GNG7: variants seen among roughly 807,000 people sequenced by gnomAD.
GNG7 encodes guanine nucleotide-binding protein G(I)/G(S)/G(O) subunit gamma-7.
In GNG7, 1 loss-of-function variant was observed where a neutral mutation model predicts 4.0. The observed-to-expected ratio is 0.25, with a 90% confidence interval of 0.09 to 1.18. GNG7 has a LOEUF of 1.18. GNG7 is among the 50% of genes most tolerant of loss of function. GNG7 has a pLI of 0.50. For missense variants in GNG7, 86 were observed against 91.9 expected, an observed-to-expected ratio of 0.94 and a Z score of 0.26; for synonymous variants, 34 against 36.9, an observed-to-expected ratio of 0.92 and a Z score of 0.29.
chr19:2,653,675 A>C lies in GNG7; in HGVS notation c.-134-7395T>G, dbSNP rs1982888400. 6.6e-6 allele frequency among the ~76,000 whole-genome samples: 1 copy of C among 152,036 alleles called. No homozygotes were observed. Among genetic ancestry groups the C allele is most frequent in the African/African-American group, 2.4e-5 (1 of 41,382 alleles). ...TGAGCAGCGTCCCTGGCCTCCACCC[A>C]CCCCATGCCAGGGGCATCCCCCATC... is the stretch of plus-strand genomic sequence containing the variant. On this transcript the variant is annotated intron_variant, in intron 1 of 4. Transcript: ENST00000382159. This position sits in a 1 kb window ranked among gnomAD's most constrained non-coding sequence, Gnocchi z 4.8.
intron 1 of GNG7, among the ~76,000 whole-genome samples, chr19:2,681,286 C>T (rs1406289354): frequency 2.0e-5 from 3 of 151,810 alleles, no homozygotes; most frequent in African/African-American, 7.3e-5. Context: ...CAGGTTCAAG[C>T]GATTCTCCTG....
intron 1 of GNG7, among the ~76,000 whole-genome samples, chr19:2,662,124 G>C (rs931948749): frequency 1.3e-5 from 2 of 151,914 alleles, no homozygotes; most frequent in African/African-American, 2.4e-5. Flanking sequence ...GCCAGGCGTG[G>C]TTGTGGGCAC....
chr19:2,541,067 A>G (rs374742370), intron 3 of GNG7, among the ~76,000 whole-genome samples: 7 of 152,340 alleles, frequency 4.6e-5, no homozygotes, highest in East Asian at 3.9e-4. Context: ...AGAGACAGGG[A>G]CTTTACCGAG....
At chr19:2,553,775 GTTATA>G (rs1979442276) in intron 3 of GNG7, among the ~76,000 whole-genome samples, 1 of 146,502 alleles carries the variant, frequency 6.8e-6, no homozygotes, top group Non-Finnish European at 1.5e-5. Flanking sequence ...TGCATGTAAT[GTTATA>G]TCACACACAT....
chr19:2,547,078 C>G (rs1316108108), intron 3 of GNG7, among the ~76,000 whole-genome samples: 1 of 147,878 alleles, frequency 6.8e-6, no homozygotes, highest in Non-Finnish European at 1.5e-5. Flanking sequence ...ACGCATGCCC[C>G]CCCCCCAGAA....
At chr19:2,590,455 A>G (rs1041785356) in intron 2 of GNG7, among the ~76,000 whole-genome samples, 1 of 151,494 alleles carries the variant, frequency 6.6e-6, no homozygotes, top group Non-Finnish European at 1.5e-5. Flanking sequence ...CCATCCATTC[A>G]CTCATCTATC....
At chr19:2,601,651 G>C (rs1042181543) in intron 2 of GNG7, among the ~76,000 whole-genome samples, 1 of 152,068 alleles carries the variant, frequency 6.6e-6, no homozygotes, top group Non-Finnish European at 1.5e-5. Flanking sequence ...GGTGGCTCAC[G>C]TCTGTAATCC....
intron 4 of GNG7, among the ~76,000 whole-genome samples, chr19:2,516,007 G>A (rs1972730333): frequency 6.6e-6 from 1 of 151,806 alleles, no homozygotes; most frequent in Non-Finnish European, 1.5e-5. Context: ...TTGAGCCCAG[G>A]AGTTTGAGAC....
chr19:2,700,078 C>CATA (rs752373419), intron 1 of GNG7, among the ~76,000 whole-genome samples: 10 of 150,968 alleles, frequency 6.6e-5, no homozygotes, highest in South Asian at 2.1e-4. Context: ...TCTGTCTCAA[C>CATA]ATAATAATAA....
chr19:2,669,366 T>C (rs2144887007), intron 1 of GNG7, among the ~76,000 whole-genome samples: 1 of 152,252 alleles, frequency 6.6e-6, no homozygotes, highest in African/African-American at 2.4e-5. Context: ...GGTGCATGCC[T>C]GTAATCCCAG....
chr19:2,562,938 TTCTTTTTC>T (rs1387558815), intron 2 of GNG7, among the ~76,000 whole-genome samples: 1 of 73,114 alleles, frequency 1.4e-5, no homozygotes, highest in African/African-American at 4.8e-5. Flanking sequence ...TTCAATCTTT[TTCTTTTTC>T]TTTTTTTTTG....
chr19:2,622,424 G>T lies in GNG7; in HGVS notation c.-78+23800C>A, dbSNP rs545561632. ...CAAAGGGTGCGGGATAAGCCCTGCA[G>T]AAGTCAATGGTCAGTAATGAGGGCT... is the stretch of plus-strand genomic sequence containing the variant. On this transcript the variant is annotated intron_variant, in intron 2 of 4. Transcript: ENST00000382159. 9.2e-5 allele frequency among the ~76,000 whole-genome samples: 14 copies of T among 152,346 alleles called. No homozygotes were observed. The South Asian group carries it at 2.7e-3, about 29-fold the overall frequency.
chr19:2,633,973 T>G lies in GNG7; in HGVS notation c.-78+12251A>C, dbSNP rs1982240057. ...AAAATTGCCCCGAGTTGAGACCCCC[T>G]GGGATAGGGGATTCCACGGACCCCC... On this transcript the variant is annotated intron_variant, in intron 2 of 4. Coordinates refer to ENST00000382159, the MANE Select transcript of GNG7 (RefSeq NM_052847.3). This position sits in a 1 kb window ranked among gnomAD's most constrained non-coding sequence, Gnocchi z 5.9. 2.0e-5 allele frequency among the ~76,000 whole-genome samples: 3 copies of G among 151,912 alleles called. No homozygotes were observed.
chr19:2,606,609 T>C (rs749005221), intron 2 of GNG7, among the ~76,000 whole-genome samples: 5 of 151,444 alleles, frequency 3.3e-5, no homozygotes, highest in African/African-American at 7.3e-5. Flanking sequence ...GAGCCAAGAT[T>C]GTGCCACTGC....
chr19:2,638,614 T>C (rs1348363333), intron 2 of GNG7, among the ~76,000 whole-genome samples: 1 of 148,902 alleles, frequency 6.7e-6, no homozygotes, highest in South Asian at 2.1e-4. Context: ...ACTGTAGACA[T>C]TGGGGCTGGA....
intron 2 of GNG7, among the ~76,000 whole-genome samples, chr19:2,560,481 C>T (rs2144768784): frequency 6.6e-6 from 1 of 152,222 alleles, no homozygotes. Context: ...GGCAGTGATT[C>T]TCACCTGGGA....
intron 1 of GNG7, among the ~76,000 whole-genome samples, chr19:2,652,675 C>T (rs115972312): frequency 0.039 from 5,918 of 151,424 alleles, 207 homozygotes; most frequent in African/African-American, 0.09. Context: ...AGCAGAAGAG[C>T]GGTTAGTGGT....
intron 3 of GNG7, among the ~76,000 whole-genome samples, chr19:2,553,043 G>T: frequency 6.7e-6 from 1 of 149,830 alleles, no homozygotes; most frequent in Admixed American, 6.8e-5. Context: ...AAAAACTGGC[G>T]AGTCGACGAA....
intron 3 of GNG7, among the ~76,000 whole-genome samples, chr19:2,549,511 G>C (rs1057450073): frequency 6.6e-6 from 1 of 152,102 alleles, no homozygotes; most frequent in Non-Finnish European, 1.5e-5. Flanking sequence ...GGCTGGTCTT[G>C]AACTCCTGAC....
Sources: gnomAD v4.1 joint callset for allele counts (sites outside exome capture counted in the v4.1 genomes callset) on GRCh38, gnomAD v4.1.1 for gene constraint, Gnocchi (gnomAD v3.1) non-coding constraint, MANE v1.5 for transcripts, NCBI Gene and HGNC (gene_info 2026-07-23, HGNC 2026-07-21) for gene names.